PDE11A: variants seen among roughly 807,000 people sequenced by gnomAD.
PDE11A encodes phosphodiesterase 11A, also known as dual 3',5'-cyclic-AMP and -GMP phosphodiesterase 11A.
Under a neutral mutation model 100.5 loss-of-function variants are expected in PDE11A, and 100 were observed. That is an observed-to-expected ratio of 1.00 (90% CI 0.85 to 1.18). The LOEUF (loss-of-function observed/expected upper bound fraction) is 1.18. Among genes scored for constraint, PDE11A ranks in the 50% most tolerant of loss-of-function variants. The pLI is 0.00. For synonymous variants in PDE11A, 381 were observed against 420.8 expected (o/e 0.91, Z 1.16); for missense variants, 1,141 against 1,152.6 (o/e 0.99, Z 0.15).
At chr2:178,012,527 C>T (rs878957447) in intron 2 of PDE11A, among the ~76,000 whole-genome samples, 1 of 152,092 alleles carries the variant, frequency 6.6e-6, no homozygotes, top group Non-Finnish European at 1.5e-5. Context: ...GCTGTGCATC[C>T]AAGCAGCTGC....
chr2:177,831,615 C>T (rs1225460733), intron 6 of PDE11A, among the ~76,000 whole-genome samples: 1 of 152,134 alleles, frequency 6.6e-6, no homozygotes, highest in East Asian at 1.9e-4. Context: ...GGATCAGCAC[C>T]AGCAGTTATC....
In PDE11A at chr2:177,625,321, T is replaced by C. The variant is rs1287979834; in HGVS notation, c.*4086A>G. 1.3e-5 allele frequency: 2 copies of C among 152,672 alleles called. No individual in the cohort carries two copies. The highest frequency in any genetic ancestry group is 2.4e-5 in the African/African-American group (1 of 41,466). The allele number at this position is 152,672 out of a possible 1,614,324, so 9.5% of individuals were successfully genotyped here. ...CGTCTTGGTCCTTTGGTGTGGGGAC[T>C]GAATAAAAGTCAGTGCTTTTATGTA... On this transcript the variant is annotated 3_prime_UTR_variant, in exon 20 of 20. Transcript: ENST00000286063.
chr2:178,096,937 A>G (rs1363696309), intron 2 of PDE11A, among the ~76,000 whole-genome samples: 1 of 152,018 alleles, frequency 6.6e-6, no homozygotes, highest in Non-Finnish European at 1.5e-5. Flanking sequence ...CCTAGGCTGT[A>G]GTGCAGTGGT....
chr2:177,942,910 C>T (rs182515528), intron 2 of PDE11A, among the ~76,000 whole-genome samples: 53 of 152,246 alleles, frequency 3.5e-4, no homozygotes, highest in African/African-American at 1.2e-3. Context: ...CATCCTTTTA[C>T]TTTCTGTTTC....
intron 9 of PDE11A, among the ~76,000 whole-genome samples, chr2:177,799,675 C>G (rs972565276): frequency 2.6e-5 from 4 of 152,092 alleles, no homozygotes; most frequent in African/African-American, 7.2e-5. Context: ...ATCTCCACCC[C>G]CAAAATGAAG....
chr2:177,761,037 T>C (rs765197924), intron 10 of PDE11A, among the ~76,000 whole-genome samples: 9 of 152,154 alleles, frequency 5.9e-5, no homozygotes, highest in Non-Finnish European at 1.2e-4. Flanking sequence ...AAAATAGGTT[T>C]AAAAAAATTT....
At position 177,945,084 on chromosome 2, in the gene PDE11A, G is replaced by A. The variant is rs575090948; in HGVS notation, c.1072-39897C>T. On this transcript the variant is annotated intron_variant, in intron 2 of 19. Transcript: ENST00000286063. ...TGATCCGCCAGCCTTGGCCTCCCGA[G>A]GTGCCGGGATTGCAGAGGGAGTCTC... Among the ~76,000 whole-genome samples the A allele has an allele frequency of 3.2e-3, 479 of 150,562 alleles. 7 individuals carry two copies. Among genetic ancestry groups the A allele is most frequent in the Non-Finnish European group, 2.3e-3 (153 of 67,272 alleles).
chr2:177,934,900 G>C (rs762405269), intron 2 of PDE11A, among the ~76,000 whole-genome samples: 29 of 152,084 alleles, frequency 1.9e-4, no homozygotes, highest in Non-Finnish European at 4.1e-4. Context: ...CTATAAATGG[G>C]AGCTAAACTT....
intron 1 of PDE11A, among the ~76,000 whole-genome samples, chr2:178,052,324 A>G (rs1454125549): frequency 6.6e-6 from 1 of 152,258 alleles, no homozygotes; most frequent in East Asian, 1.9e-4. Flanking sequence ...GTGAGAACAA[A>G]GACACAACAT....
chr2:178,059,395 C>G (rs1267462559), intron 1 of PDE11A, among the ~76,000 whole-genome samples: 1 of 152,188 alleles, frequency 6.6e-6, no homozygotes, highest in Non-Finnish European at 1.5e-5. Context: ...CCTGCCCACC[C>G]CTGATCCAGG....
intron 15 of PDE11A, among the ~76,000 whole-genome samples, chr2:177,682,503 C>G (rs545177401): frequency 2.6e-5 from 4 of 152,042 alleles, no homozygotes; most frequent in Non-Finnish European, 5.9e-5. Flanking sequence ...TTTGGAGATG[C>G]GTAGATACGG....
chr2:177,889,878 G>C (rs913726868), intron 4 of PDE11A, among the ~76,000 whole-genome samples: 24 of 151,732 alleles, frequency 1.6e-4, no homozygotes, highest in African/African-American at 5.6e-4. Context: ...TTTCTGGTGT[G>C]TGTTTTTCAC....
chr2:177,952,239 A>C (rs1291182174), intron 2 of PDE11A, among the ~76,000 whole-genome samples: 1 of 152,228 alleles, frequency 6.6e-6, no homozygotes, highest in Non-Finnish European at 1.5e-5. Context: ...CCAAGGATTA[A>C]GTATCCCTTC....
At chr2:177,984,490 T>G (rs1422962224) in intron 2 of PDE11A, among the ~76,000 whole-genome samples, 1 of 152,210 alleles carries the variant, frequency 6.6e-6, no homozygotes, top group Non-Finnish European at 1.5e-5. Context: ...ATTGTATTCT[T>G]TATGTTTTTA....
At chr2:177,725,044 T>A (rs12620627) in intron 12 of PDE11A, among the ~76,000 whole-genome samples, 144,442 of 152,152 alleles carry the variant, frequency 0.95, 68,999 homozygotes, top group East Asian at 1. Flanking sequence ...TGGAATGGAA[T>A]TTTAATCACT....
chr2:177,979,569 A>C (rs1224187941), intron 2 of PDE11A, among the ~76,000 whole-genome samples: 1 of 145,712 alleles, frequency 6.9e-6, no homozygotes, highest in Non-Finnish European at 1.5e-5. Context: ...CATCTCTCTG[A>C]CAGCTTTATT....
At chr2:177,728,292 C>A in intron 10 of PDE11A, 120 bp from the exon 11 acceptor site, 2 of 791,354 alleles carry the variant, frequency 2.5e-6, no homozygotes, top group South Asian at 2.8e-5. Context: ...GCACTTACAC[C>A]CTGATACAGC....
chr2:177,722,588 A>G (rs377438743), intron 12 of PDE11A, among the ~76,000 whole-genome samples: 72 of 152,316 alleles, frequency 4.7e-4, no homozygotes, highest in African/African-American at 1.6e-3. Flanking sequence ...GAAGAAAAAT[A>G]GAAACCTTTT....
intron 19 of PDE11A, among the ~76,000 whole-genome samples, chr2:177,645,877 T>C (rs1018361892): frequency 3.3e-5 from 5 of 152,192 alleles, no homozygotes; most frequent in African/African-American, 9.6e-5. Context: ...GACCATTTTT[T>C]CCCCAAGATT....
Sources: gnomAD v4.1 joint callset for allele counts (sites outside exome capture counted in the v4.1 genomes callset) on GRCh38, gnomAD v4.1.1 for gene constraint, MANE v1.5 for transcripts, NCBI Gene and HGNC (gene_info 2026-07-23, HGNC 2026-07-21) for gene names.